TRIM67: variants seen among roughly 807,000 people sequenced by gnomAD.
The protein encoded by TRIM67 is tripartite motif containing 67.
In TRIM67, 39 loss-of-function variants were observed where a neutral mutation model predicts 71.0. That is an observed-to-expected ratio of 0.55 (90% CI 0.43 to 0.72). TRIM67 has a LOEUF of 0.72. Ranked by LOEUF, TRIM67 falls within the 30% of genes least tolerant of loss-of-function variation. TRIM67 has a pLI of 0.00. For missense variants in TRIM67, 973 were observed against 1,079.2 expected (o/e 0.90, Z 1.38); for synonymous variants, 481 against 473.9 (o/e 1.01, Z -0.19).
intron 1 of TRIM67, chr1:231,186,039 G>A: frequency 6.6e-7 from 1 of 1,513,384 alleles, no homozygotes; most frequent in South Asian, 1.2e-5. Flanking sequence ...TTTTCCCAGG[G>A]AAAAAGAAGG....
rs1268923560 is a variant in TRIM67 at position 231,206,652 on chromosome 1, G to A, written c.1681G>A (p.Glu561Lys). The change falls in exon 7 of 10, where the codon GAA becomes AAA. Residue 561 changes from glutamate to lysine, a missense_variant and splice_region_variant. Glu to Lys is a moderately conservative substitution (Grantham distance 56). Around this residue, in one of 2 missense-constraint regions of TRIM67, gnomAD observed 795 missense variants for 831.3 expected, o/e 0.96. Transcript: ENST00000366653. ...LDDGAGGQFREVYVGKETLCT... is the reference protein window; with the variant it reads ...LDDGAGGQFRKVYVGKETLCT... ...GGTGAGCAGCATTGCTCTCTTTCAGGAAGTGTACGTCGGTAAGGAGACTTT... is the reference window on the plus strand; with the variant it reads ...GGTGAGCAGCATTGCTCTCTTTCAGAAAGTGTACGTCGGTAAGGAGACTTT... The A allele has an allele frequency of 6.3e-7, 1 of 1,592,292 alleles. No homozygotes were observed. The highest frequency in any genetic ancestry group is 8.6e-7 in the Non-Finnish European group (1 of 1,169,522).
Position 231,163,385 on chromosome 1 carries a change from C to T in TRIM67, c.416C>T (p.Ala139Val). 6.5e-7 allele frequency: 1 copy of T among 1,535,960 alleles called. No individual in the cohort carries two copies. Among genetic ancestry groups the T allele is most frequent in the Non-Finnish European group, 8.8e-7 (1 of 1,142,672 alleles). The change falls in exon 1 of 10, where the codon GCT becomes GTT. Residue 139 changes from alanine to valine, a missense_variant. Physicochemically the swap from Ala to Val is moderately conservative, Grantham distance 64 (BLOSUM62 0). This residue lies in a region of TRIM67 where 795 missense variants were observed against 831.3 expected (regional missense o/e 0.96). Coordinates refer to ENST00000366653, the MANE Select transcript of TRIM67 (RefSeq NM_001004342.5). ...PMVPAPPGSSAAAARGAACSS... is the reference protein window; with the variant it reads ...PMVPAPPGSSVAAARGAACSS... ...GTGCCCGCACCACCCGGCTCCTCGG[C>T]TGCGGCGGCTCGGGGTGCCGCCTGC...
At position 231,220,247 on chromosome 1, in the gene TRIM67, G is replaced by A. The variant is rs572875540; in HGVS notation, c.*4807G>A. The A allele has an allele frequency of 2.5e-5, 8 of 315,850 alleles. No homozygotes were observed. The East Asian group carries it at 3.3e-4, about 13-fold the overall frequency. 19.6% of individuals were successfully genotyped at this position (315,850 alleles called of 1,614,324 possible). A position where few individuals can be genotyped will look rare whatever the true frequency, so the allele number is the denominator to read the frequency against. Reference sequence around the variant, plus strand: ...AGGGCAAGGAGCTGCCTGGCCTCCAGTGGGTAAAATAGACCTTTAAGACAG... The same window carrying A: ...AGGGCAAGGAGCTGCCTGGCCTCCAATGGGTAAAATAGACCTTTAAGACAG... On this transcript the variant is annotated 3_prime_UTR_variant, in exon 10 of 10. Coordinates refer to ENST00000366653, the MANE Select transcript of TRIM67 (RefSeq NM_001004342.5).
At chr1:231,207,679 A>G (rs1012187461) in intron 7 of TRIM67, among the ~76,000 whole-genome samples, 1 of 152,182 alleles carries the variant, frequency 6.6e-6, no homozygotes, top group Non-Finnish European at 1.5e-5. Context: ...TGCTGGTGTC[A>G]AAAGGCCCAG....
At chr1:231,184,377 T>C (rs1350655261) in intron 1 of TRIM67, 1 of 152,082 alleles carries the variant, frequency 6.6e-6, no homozygotes, top group Non-Finnish European at 1.5e-5. Flanking sequence ...TCTGGCAGTG[T>C]GAGCAGGAAC....
At chr1:231,189,275 T>C (rs889004497) in intron 1 of TRIM67, among the ~76,000 whole-genome samples, 1 of 152,216 alleles carries the variant, frequency 6.6e-6, no homozygotes, top group Non-Finnish European at 1.5e-5. Flanking sequence ...GGCTCAATGA[T>C]GGCCTCCAAG....
Position 231,215,969 on chromosome 1 carries a change from G to C in TRIM67, c.*529G>C. ...TAGCTTCTTGGTCCTAGAGTCTTTA[G>C]TAGCACCTGCCACTTGCAGACCCAA... On this transcript the variant is annotated 3_prime_UTR_variant, in exon 10 of 10. Transcript: ENST00000366653. 3 of 986,198 alleles carry C rather than the reference G, an allele frequency of 3.0e-6. No homozygotes were observed. The highest frequency in any genetic ancestry group is 3.6e-6 in the Non-Finnish European group (3 of 830,490). 61.1% of individuals were successfully genotyped at this position (986,198 alleles called of 1,614,324 possible).
chr1:231,162,966 C>G lies in TRIM67; in HGVS notation c.-4C>G, dbSNP rs975477349. ...GCAGAGCAGCGCTGGCAGCCGGCGC[C>G]GCGATGGAGGAAGAGCTGAAGTGTC... is the stretch of plus-strand genomic sequence containing the variant. On this transcript the variant is annotated 5_prime_UTR_variant, in exon 1 of 10. Transcript: ENST00000366653. 2 of 1,610,492 alleles carry G rather than the reference C, an allele frequency of 1.2e-6. No homozygotes were observed. Among genetic ancestry groups the G allele is most frequent in the African/African-American group, 2.7e-5 (2 of 74,820 alleles).
At chr1:231,193,894 G>C (rs1425884621) in intron 1 of TRIM67, among the ~76,000 whole-genome samples, 1 of 152,118 alleles carries the variant, frequency 6.6e-6, no homozygotes, top group East Asian at 1.9e-4. Context: ...ACACTCATGC[G>C]GATCCACCCC....
intron 1 of TRIM67, among the ~76,000 whole-genome samples, chr1:231,193,872 G>A (rs1438079190): frequency 1.3e-5 from 2 of 152,126 alleles, no homozygotes; most frequent in African/African-American, 4.8e-5. Context: ...AGGAGGGGAG[G>A]ACGGTACCAA....
intron 6 of TRIM67, 135 bp downstream of exon 6, chr1:231,204,147 A>T (rs1683632319): frequency 2.2e-6 from 3 of 1,342,626 alleles, no homozygotes; most frequent in African/African-American, 2.9e-5. Flanking sequence ...GGCCAAAAGG[A>T]TAAAGAAGGC....
At chr1:231,184,905 G>T in intron 1 of TRIM67, 3 of 990,080 alleles carry the variant, frequency 3.0e-6, no homozygotes, top group Non-Finnish European at 4.4e-6. Flanking sequence ...ACTAGGTCAC[G>T]TAAAATTAGG....
intron 1 of TRIM67, among the ~76,000 whole-genome samples, chr1:231,171,248 C>T (rs1349179404): frequency 6.6e-6 from 1 of 152,104 alleles, no homozygotes; most frequent in Non-Finnish European, 1.5e-5. Context: ...ATATGGTGCT[C>T]AAAGACCACC....
chr1:231,163,659 C>T lies in TRIM67; in HGVS notation c.690C>T (p.Tyr230=), dbSNP rs1432595475. 2.6e-6 allele frequency: 4 copies of T among 1,520,130 alleles called. No individual in the cohort carries two copies. Among genetic ancestry groups the T allele is most frequent in the Non-Finnish European group, 3.5e-6 (4 of 1,135,870 alleles). The allele number at this position is 1,520,130 out of a possible 1,614,324, so 94.2% of individuals were successfully genotyped here. A position where few individuals can be genotyped will look rare whatever the true frequency, so the allele number is the denominator to read the frequency against. The change falls in exon 1 of 10, where the codon TAC becomes TAT. Residue 230 remains tyrosine (Y), a synonymous_variant. Transcript: ENST00000366653. ...TCTGCGAGCAGTGCGACGTCCTCTA[C>T]TGCTCTGCCTGCCAGCTCAAGTGCC... is the stretch of plus-strand genomic sequence containing the variant. The part of the protein sequence containing the change: ...ATLCEQCDVL[Y]CSACQLKCHP...
Position 231,163,888 on chromosome 1 carries a change from G to GA in TRIM67, c.922dup (p.Met308AsnfsTer54). 2.5e-6 allele frequency: 4 copies of GA among 1,582,780 alleles called. No individual in the cohort carries two copies. The highest frequency in any genetic ancestry group is 3.4e-6 in the Non-Finnish European group (4 of 1,165,198). On this transcript the variant is annotated frameshift_variant, in exon 1 of 10. Coordinates refer to ENST00000366653, the MANE Select transcript of TRIM67 (RefSeq NM_001004342.5). LOFTEE classifies it high-confidence loss of function. The stretch of plus-strand genomic sequence containing the variant: ...CAAGTTCCCCACGTGTCCCGAGCAT[G>GA]AAATGGAGAACTACAGCATGTACTG...
chr1:231,164,637 C>G (rs912845230), intron 1 of TRIM67, among the ~76,000 whole-genome samples: 4 of 152,172 alleles, frequency 2.6e-5, no homozygotes, highest in African/African-American at 9.7e-5. Flanking sequence ...GACCCCTAAC[C>G]GCCTCTGGAA....
Position 231,218,040 on chromosome 1 carries a change from C to T in TRIM67, c.*2600C>T, listed in dbSNP as rs879838403. The T allele has an allele frequency of 1.7e-6, 2 of 1,175,926 alleles. No homozygotes were observed. Among genetic ancestry groups the T allele is most frequent in the East Asian group, 1.2e-4 (2 of 16,874 alleles). 72.8% of individuals were successfully genotyped at this position (1,175,926 alleles called of 1,614,324 possible). Reference sequence around the variant, plus strand: ...ACAGCATCCAGCTCTCCTTCACAGACACCTCTCCTGTCTTCAGCACAAAAC... The same window carrying T: ...ACAGCATCCAGCTCTCCTTCACAGATACCTCTCCTGTCTTCAGCACAAAAC... On this transcript the variant is annotated 3_prime_UTR_variant, in exon 10 of 10. Coordinates refer to ENST00000366653, the MANE Select transcript of TRIM67 (RefSeq NM_001004342.5).
chr1:231,211,137 T>C lies in TRIM67; in HGVS notation c.2123+1887T>C, dbSNP rs571680820. On this transcript the variant is annotated intron_variant, in intron 8 of 9. Coordinates refer to ENST00000366653, the MANE Select transcript of TRIM67 (RefSeq NM_001004342.5). ...CTCGGGTCACGCGGCTAGTTGATACTGTCAGGGTTGAGCCCAGGACCCCAG... is the reference window on the plus strand; with the variant it reads ...CTCGGGTCACGCGGCTAGTTGATACCGTCAGGGTTGAGCCCAGGACCCCAG... Among the ~76,000 whole-genome samples the C allele has an allele frequency of 3.8e-4, 58 of 152,060 alleles. No homozygotes were observed. The East Asian group carries it at 9.5e-3, about 25-fold the overall frequency.
In TRIM67 at chr1:231,220,035, G is replaced by C. The variant is rs1684103445; in HGVS notation, c.*4595G>C. 2.8e-6 allele frequency: 3 copies of C among 1,090,084 alleles called. No homozygotes were observed. The South Asian group carries it at 3.9e-5, about 14-fold the overall frequency. The allele number at this position is 1,090,084 out of a possible 1,614,324, so 67.5% of individuals were successfully genotyped here. A position where few individuals can be genotyped will look rare whatever the true frequency, so the allele number is the denominator to read the frequency against. The stretch of plus-strand genomic sequence containing the variant: ...GCCTCAGTATCCCCACCTGAAATGA[G>C]ACTAGTCATACTAACCTACCTCCTC... On this transcript the variant is annotated 3_prime_UTR_variant, in exon 10 of 10. Transcript: ENST00000366653.
Sources: allele counts gnomAD v4.1 joint callset (sites outside exome capture counted in the v4.1 genomes callset), GRCh38; gene constraint gnomAD v4.1.1; regional missense constraint gnomAD v4.1.1; transcripts MANE v1.5; gene names NCBI Gene and HGNC (gene_info 2026-07-23, HGNC 2026-07-21).